Variants in SLC24A4 observed in about 807,000 individuals in gnomAD.
SLC24A4 encodes the protein solute carrier family 24 member 4, also known as sodium/potassium/calcium exchanger 4.
SLC24A4 carries 53 observed loss-of-function variants against 79.0 expected under a neutral mutation model. The ratio of observed to expected loss-of-function variants is 0.67; its 90% CI spans 0.54 to 0.84. SLC24A4 has a LOEUF of 0.84. SLC24A4 is among the 40% of genes least tolerant of loss of function. SLC24A4 has a pLI of 0.00. For missense variants in SLC24A4, 731 were observed against 822.0 expected, an observed-to-expected ratio of 0.89 and a Z score of 1.35; for synonymous variants, 323 against 323.8, an observed-to-expected ratio of 1.00 and a Z score of 0.03.
At chr14:92,480,866 G>T (rs1000703508) in intron 12 of SLC24A4, among the ~76,000 whole-genome samples, 6 of 152,056 alleles carry the variant, frequency 3.9e-5, no homozygotes, top group African/African-American at 1.2e-4. Flanking sequence ...AGGGTTTGTG[G>T]TTGTTACTCT....
rs146575689 is a variant in SLC24A4 at position 92,475,152 on chromosome 14, A to T, written c.1256-7528A>T. Among the ~76,000 whole-genome samples, 612 of 152,206 alleles carry T rather than the reference A, an allele frequency of 4.0e-3. 4 individuals carry two copies. Among genetic ancestry groups the T allele is most frequent in the Non-Finnish European group, 7.4e-3 (503 of 67,994 alleles). The stretch of plus-strand genomic sequence containing the variant: ...ATTTTACAGTAAGGAAATAAGGCTC[A>T]TGAGGACTGCTCCCCCAGTGACCCA... On this transcript the variant is annotated intron_variant, in intron 12 of 16. Coordinates refer to ENST00000532405, the MANE Select transcript of SLC24A4 (RefSeq NM_153646.4).
chr14:92,350,260 C>T (rs1886794925), intron 2 of SLC24A4, among the ~76,000 whole-genome samples: 1 of 152,132 alleles, frequency 6.6e-6, no homozygotes, highest in African/African-American at 2.4e-5. Context: ...AACCTTGCCA[C>T]CAGGTTATAA....
At chr14:92,484,473 C>A in intron 13 of SLC24A4, 1 of 985,310 alleles carries the variant, frequency 1.0e-6, no homozygotes, top group Non-Finnish European at 1.2e-6. Flanking sequence ...AAGCTCAGGA[C>A]GGACTCTGTG....
chr14:92,481,525 G>A (rs1425483800), intron 12 of SLC24A4, among the ~76,000 whole-genome samples: 1 of 152,214 alleles, frequency 6.6e-6, no homozygotes, highest in African/African-American at 2.4e-5. Context: ...CTGTGGGAAT[G>A]AACTTGGGAG....
intron 2 of SLC24A4, among the ~76,000 whole-genome samples, chr14:92,373,378 G>A (rs568025522): frequency 2.6e-5 from 4 of 152,060 alleles, no homozygotes; most frequent in Non-Finnish European, 2.9e-5. Flanking sequence ...TGGAGGCCCC[G>A]GAAGGAGAAT....
rs933152505 is a variant in SLC24A4 at position 92,445,413 on chromosome 14, C to G, written c.683+71C>G. ...TTCCAGTATCCTTATTTGTTGGGTT[C>G]CCTGAATCGTTTTAAAAATTATTTT... On this transcript the variant is annotated intron_variant, in intron 8 of 16. Coordinates refer to ENST00000532405, the MANE Select transcript of SLC24A4 (RefSeq NM_153646.4). 3.0e-5 allele frequency: 44 copies of G among 1,471,766 alleles called. 1 individual carries two copies. In the South Asian group the frequency reaches 4.7e-4, roughly 16 times the overall value. The allele number at this position is 1,471,766 out of a possible 1,614,324, so 91.2% of individuals were successfully genotyped here.
At chr14:92,438,450 A>AAAT (rs983561750) in intron 3 of SLC24A4, among the ~76,000 whole-genome samples, 1 of 148,810 alleles carries the variant, frequency 6.7e-6, no homozygotes, top group East Asian at 2.0e-4. Context: ...ATCTCTACAA[A>AAAT]AATAATAATA....
chr14:92,462,944 G>C (rs1296728606), intron 12 of SLC24A4, among the ~76,000 whole-genome samples: 1 of 152,260 alleles, frequency 6.6e-6, no homozygotes, highest in East Asian at 1.9e-4. Context: ...CTTTTCTTGG[G>C]AGCTCGTAAG....
intron 14 of SLC24A4, among the ~76,000 whole-genome samples, chr14:92,489,306 G>A (rs1044321377): frequency 6.5e-4 from 99 of 152,206 alleles, no homozygotes; most frequent in African/African-American, 2.3e-3. Flanking sequence ...AGGCGTGGTG[G>A]TGCACACCTG....
intron 11 of SLC24A4, among the ~76,000 whole-genome samples, chr14:92,455,991 G>A (rs959961588): frequency 3.3e-5 from 5 of 152,134 alleles, no homozygotes; most frequent in Admixed American, 2.0e-4. Flanking sequence ...ATGAGCCACC[G>A]TGCCCGGCAG....
At chr14:92,459,885 C>T (rs1893699770) in intron 12 of SLC24A4, among the ~76,000 whole-genome samples, 3 of 152,284 alleles carry the variant, frequency 2.0e-5, no homozygotes, top group African/African-American at 2.4e-5. Flanking sequence ...CACCACCCAC[C>T]TCACCCCACC....
chr14:92,416,278 C>T (rs914401708), intron 2 of SLC24A4, among the ~76,000 whole-genome samples: 5 of 152,006 alleles, frequency 3.3e-5, no homozygotes, highest in Admixed American at 1.3e-4. Context: ...AGCAGAGATG[C>T]GTTTCTCTGT....
chr14:92,489,331 C>T (rs1226041350), intron 14 of SLC24A4, among the ~76,000 whole-genome samples: 5 of 151,902 alleles, frequency 3.3e-5, no homozygotes, highest in Admixed American at 6.6e-5. Context: ...TGCAGCTACT[C>T]GGGAGGCTGA....
At chr14:92,459,660 T>C (rs1893683748) in intron 12 of SLC24A4, among the ~76,000 whole-genome samples, 1 of 152,186 alleles carries the variant, frequency 6.6e-6, no homozygotes. Context: ...GTGTTGTCCC[T>C]GGAAACCACG....
chr14:92,365,884 T>C (rs895185844), intron 2 of SLC24A4, among the ~76,000 whole-genome samples: 1 of 152,192 alleles, frequency 6.6e-6, no homozygotes. Context: ...CGAACTAGGC[T>C]GTCTGGCCCC....
intron 2 of SLC24A4, among the ~76,000 whole-genome samples, chr14:92,339,794 A>C (rs1248723192): frequency 6.6e-6 from 1 of 152,246 alleles, no homozygotes; most frequent in African/African-American, 2.4e-5. Flanking sequence ...GGCAACGTGG[A>C]GAGTAACTGA....
chr14:92,461,057 C>T lies in SLC24A4; in HGVS notation c.1255+4449C>T, dbSNP rs1418433581. 5.3e-5 allele frequency among the ~76,000 whole-genome samples: 8 copies of T among 152,266 alleles called. No individual in the cohort carries two copies. In the South Asian group the frequency reaches 6.2e-4, roughly 12 times the overall value. On this transcript the variant is annotated intron_variant, in intron 12 of 16. Coordinates refer to ENST00000532405, the MANE Select transcript of SLC24A4 (RefSeq NM_153646.4). ...AAACCATGGTCTGCAGTGCTGGCAC[C>T]GCCCTGAAACGGTCGGCAATGACCC...
At chr14:92,444,967 A>G (rs1362307484) in intron 7 of SLC24A4, among the ~76,000 whole-genome samples, 1 of 136,612 alleles carries the variant, frequency 7.3e-6, no homozygotes, top group Admixed American at 7.3e-5. Flanking sequence ...ACACACACAC[A>G]CACACTTAGC....
At chr14:92,472,246 T>C (rs1477197652) in intron 12 of SLC24A4, among the ~76,000 whole-genome samples, 2 of 149,786 alleles carry the variant, frequency 1.3e-5, no homozygotes, top group Non-Finnish European at 2.9e-5. Flanking sequence ...TCAGTTCTCT[T>C]TTTTTAAATT....
Sources: gnomAD v4.1 joint callset for allele counts (sites outside exome capture counted in the v4.1 genomes callset) on GRCh38, gnomAD v4.1.1 for gene constraint, MANE v1.5 for transcripts, NCBI Gene and HGNC (gene_info 2026-07-23, HGNC 2026-07-21) for gene names.